Variants in NKAIN2 observed in about 807,000 individuals in gnomAD.
NKAIN2 encodes the protein sodium/potassium transporting ATPase interacting 2, also known as sodium/potassium-transporting ATPase subunit beta-1-interacting protein 2.
A neutral mutation model predicts 32.6 loss-of-function variants in NKAIN2; 14 were observed. The observed-to-expected ratio is 0.43, with a 90% CI of 0.28 to 0.67. The LOEUF is 0.67. NKAIN2 is among the 30% of genes least tolerant of loss of function. The probability of loss-of-function intolerance (pLI) is 0.17; values close to 1 mark genes in which losing one functional copy is unlikely to be tolerated. For missense variants in NKAIN2, 198 were observed against 258.3 expected (o/e 0.77, Z 1.60); for synonymous variants, 80 against 87.2 (o/e 0.92, Z 0.46).
intron 1 of NKAIN2, among the ~76,000 whole-genome samples, chr6:123,957,679 T>A (rs545900139): frequency 1.3e-5 from 2 of 152,338 alleles, no homozygotes; most frequent in African/African-American, 2.4e-5. Flanking sequence ...AGCACTGGCT[T>A]GTTACACAAT....
In NKAIN2 at chr6:123,964,589, G is replaced by A. The variant is rs190054837; in HGVS notation, c.54+160335G>A. On this transcript the variant is annotated intron_variant, in intron 1 of 6. Transcript: ENST00000368417. This position sits in a 1 kb window ranked among gnomAD's most constrained non-coding sequence, Gnocchi z 4.0. ...AAGGACTTGGGGATATAGAAAGGGC[G>A]TATGTAAGAGTTCTAAAAATTATTA... 5.7e-3 allele frequency among the ~76,000 whole-genome samples: 864 copies of A among 152,268 alleles called. 3 individuals are homozygous for A. Among genetic ancestry groups the A allele is most frequent in the African/African-American group, 0.018 (764 of 41,550 alleles).
intron 3 of NKAIN2, among the ~76,000 whole-genome samples, chr6:124,562,031 C>A (rs370876045): frequency 1.6e-4 from 25 of 152,286 alleles, no homozygotes; most frequent in African/African-American, 5.3e-4. Context: ...AGATTTAAGT[C>A]TCCGAAATCT....
At chr6:124,469,720 T>C (rs1377053158) in intron 3 of NKAIN2, among the ~76,000 whole-genome samples, 1 of 152,190 alleles carries the variant, frequency 6.6e-6, no homozygotes, top group Non-Finnish European at 1.5e-5. Context: ...TATTGATCAG[T>C]TTCACTGGGA....
At chr6:123,864,914 A>G (rs1202129063) in intron 1 of NKAIN2, among the ~76,000 whole-genome samples, 1 of 152,158 alleles carries the variant, frequency 6.6e-6, no homozygotes, top group Non-Finnish European at 1.5e-5. Flanking sequence ...AAAATTTTAC[A>G]CAGAAATATC....
At position 124,257,397 on chromosome 6, in the gene NKAIN2, G is replaced by A. The variant is rs1486757550; in HGVS notation, c.55-25608G>A. Among the ~76,000 whole-genome samples the A allele has an allele frequency of 2.6e-5, 4 of 152,234 alleles. 1 individual carries two copies. In the East Asian group the frequency reaches 7.7e-4, roughly 29 times the overall value. ...TTCCTACAGCTCTTAGGAGCTCAGA[G>A]TATGAAATTCATCTTTCAACTCACC... On this transcript the variant is annotated intron_variant, in intron 1 of 6. Coordinates refer to ENST00000368417, the MANE Select transcript of NKAIN2 (RefSeq NM_001040214.3).
chr6:124,599,271 C>G (rs1782217703), intron 3 of NKAIN2, among the ~76,000 whole-genome samples: 2 of 150,962 alleles, frequency 1.3e-5, no homozygotes, highest in South Asian at 2.1e-4. Flanking sequence ...TAAGATAAAC[C>G]AAGATTAAAT....
chr6:123,901,625 C>G (rs1200242170), intron 1 of NKAIN2, among the ~76,000 whole-genome samples: 1 of 152,134 alleles, frequency 6.6e-6, no homozygotes, highest in African/African-American at 2.4e-5. Context: ...CCGGCTCCCT[C>G]TGCATATCAG....
intron 1 of NKAIN2, among the ~76,000 whole-genome samples, chr6:124,148,635 A>G (rs935751357): frequency 6.6e-6 from 1 of 152,134 alleles, no homozygotes; most frequent in Non-Finnish European, 1.5e-5. Flanking sequence ...TTCCTGTTAT[A>G]GCATGCCTCA....
chr6:123,816,419 G>A (rs1031849544), intron 1 of NKAIN2, among the ~76,000 whole-genome samples: 1 of 152,184 alleles, frequency 6.6e-6, no homozygotes, highest in African/African-American at 2.4e-5. Flanking sequence ...AGCAAGCCCT[G>A]TGGGGAATGT....
intron 1 of NKAIN2, chr6:123,829,143 G>A (rs1488722028): frequency 1.3e-5 from 2 of 152,128 alleles, no homozygotes; most frequent in Non-Finnish European, 2.9e-5. Context: ...GTACTTGCAT[G>A]TGTGAAATCC....
intron 3 of NKAIN2, among the ~76,000 whole-genome samples, chr6:124,560,899 A>G (rs1310604779): frequency 1.3e-5 from 2 of 152,156 alleles, no homozygotes; most frequent in Non-Finnish European, 1.5e-5. Context: ...CACCTCCTAA[A>G]TGTGACTTTG....
chr6:123,919,484 A>G (rs6907722), intron 1 of NKAIN2, among the ~76,000 whole-genome samples: 41,677 of 152,042 alleles, frequency 0.27, 6,951 homozygotes, highest in Middle Eastern at 0.39. Flanking sequence ...TGAAATTCCA[A>G]AAGTAATTAG....
At chr6:123,987,498 T>A (rs1779192809) in intron 1 of NKAIN2, among the ~76,000 whole-genome samples, 1 of 152,200 alleles carries the variant, frequency 6.6e-6, no homozygotes, top group Non-Finnish European at 1.5e-5. Context: ...CTTGGGCCGA[T>A]GTGGGAGGTT....
At chr6:124,660,273 G>A (rs1784699037) in intron 4 of NKAIN2, among the ~76,000 whole-genome samples, 1 of 152,074 alleles carries the variant, frequency 6.6e-6, no homozygotes, top group Non-Finnish European at 1.5e-5. Context: ...TTATGTGCAT[G>A]GATATTTATA....
intron 4 of NKAIN2, among the ~76,000 whole-genome samples, chr6:124,750,410 C>A (rs1777654326): frequency 6.6e-6 from 1 of 151,752 alleles, no homozygotes; most frequent in African/African-American, 2.4e-5. Flanking sequence ...TTATAAACTT[C>A]TTGAGTGAAA....
chr6:123,939,703 C>T (rs1396627698), intron 1 of NKAIN2, among the ~76,000 whole-genome samples: 1 of 151,930 alleles, frequency 6.6e-6, no homozygotes, highest in African/African-American at 2.4e-5. Flanking sequence ...TCAGAACCTA[C>T]AGTTTGAAAA....
chr6:124,638,390 T>C (rs1018706688), intron 3 of NKAIN2, among the ~76,000 whole-genome samples: 19 of 152,116 alleles, frequency 1.2e-4, no homozygotes, highest in African/African-American at 4.6e-4. Context: ...GCACAGTCAA[T>C]GATATCAAAA....
chr6:124,607,669 AAC>A (rs1460228229), intron 3 of NKAIN2, among the ~76,000 whole-genome samples: 1 of 151,956 alleles, frequency 6.6e-6, no homozygotes, highest in Non-Finnish European at 1.5e-5. Flanking sequence ...CACACACACA[AAC>A]ATATATATAT....
chr6:124,262,488 C>T (rs1158559950), intron 1 of NKAIN2, among the ~76,000 whole-genome samples: 1 of 152,132 alleles, frequency 6.6e-6, no homozygotes, highest in African/African-American at 2.4e-5. Flanking sequence ...AAGTTGGAAA[C>T]ATTACAGGAA....
Sources: allele counts gnomAD v4.1 joint callset (sites outside exome capture counted in the v4.1 genomes callset), GRCh38; gene constraint gnomAD v4.1.1; non-coding constraint Gnocchi (gnomAD v3.1); transcripts MANE v1.5; gene names NCBI Gene and HGNC (gene_info 2026-07-23, HGNC 2026-07-21).